ST3GAL4: variants seen among roughly 807,000 people sequenced by gnomAD.
ST3GAL4 encodes CMP-N-acetylneuraminate-beta-galactosamide-alpha-2,3-sialyltransferase 4.
ST3GAL4 carries 24 observed loss-of-function variants against 42.6 expected under a neutral mutation model. The ratio of observed to expected loss-of-function variants is 0.56; its 90% CI spans 0.41 to 0.79. ST3GAL4 has a LOEUF of 0.79. ST3GAL4 is among the 30% of genes least tolerant of loss of function. The pLI is 0.00. For missense variants in ST3GAL4, 311 were observed against 430.8 expected, an observed-to-expected ratio of 0.72 and a Z score of 2.46; for synonymous variants, 135 against 163.2, an observed-to-expected ratio of 0.83 and a Z score of 1.32.
rs1029200067 is a variant in ST3GAL4, at chr11:126,383,443, G to A, written c.-60-22653G>A. ...GGGAGGTAGAGCAGCAGCAGCAGCA[G>A]CTGAGCCCAGCCCCCGGCCAGCCCT... On this transcript the variant is annotated intron_variant, in intron 1 of 10. Transcript: ENST00000444328. This position sits in a 1 kb window ranked among gnomAD's most constrained non-coding sequence, Gnocchi z 4.5. Among the ~76,000 whole-genome samples the A allele has an allele frequency of 1.3e-5, 2 of 152,184 alleles. No individual in the cohort carries two copies. The highest frequency in any genetic ancestry group is 4.8e-5 in the African/African-American group (2 of 41,444).
At chr11:126,369,970 G>A (rs1043401339) in intron 1 of ST3GAL4, among the ~76,000 whole-genome samples, 6 of 152,202 alleles carry the variant, frequency 3.9e-5, no homozygotes, top group Admixed American at 6.5e-5. Context: ...GTTGACATCA[G>A]CATGCATCGA....
At chr11:126,395,972 C>T (rs774991408) in intron 1 of ST3GAL4, among the ~76,000 whole-genome samples, 26 of 151,002 alleles carry the variant, frequency 1.7e-4, no homozygotes, top group Non-Finnish European at 2.8e-4. Context: ...GGGCTCTCCC[C>T]GTGAGTGAGA....
chr11:126,410,738 C>A lies in ST3GAL4; in HGVS notation c.771+1327C>A, dbSNP rs1276279965. Among the ~76,000 whole-genome samples the A allele has an allele frequency of 6.6e-6, 1 of 152,196 alleles. No homozygotes were observed. The highest frequency in any genetic ancestry group is 1.5e-5 in the Non-Finnish European group (1 of 68,042). On this transcript the variant is annotated intron_variant, in intron 9 of 10. Coordinates refer to ENST00000444328, the MANE Select transcript of ST3GAL4 (RefSeq NM_001254757.2). This position sits in a 1 kb window ranked among gnomAD's most constrained non-coding sequence, Gnocchi z 5.3. ...CTTGCTTGGCGAGGAAGTTGTGCTCCTTGCTCTAAGGGACCTCAGTCTAGC... is the reference window on the plus strand; with the variant it reads ...CTTGCTTGGCGAGGAAGTTGTGCTCATTGCTCTAAGGGACCTCAGTCTAGC...
intron 1 of ST3GAL4, chr11:126,405,550 C>T (rs1954190760): frequency 6.2e-6 from 1 of 161,750 alleles, no homozygotes; most frequent in African/African-American, 2.4e-5. Flanking sequence ...ATGTCATAGC[C>T]CCACCCTCAC....
At position 126,359,777 on chromosome 11, in the gene ST3GAL4, C is replaced by A. The variant is rs1952185865; in HGVS notation, c.-61+3935C>A. The stretch of plus-strand genomic sequence containing the variant: ...CTTCCCTCCTTCCCCGTGGGCCCTC[C>A]CAGCCTCCCCAGCCCCCACCTCTGC... On this transcript the variant is annotated intron_variant, in intron 1 of 10. Transcript: ENST00000444328. The surrounding 1 kb of genome is among the most constrained non-coding windows in gnomAD (Gnocchi z 4.8). 6.8e-6 allele frequency among the ~76,000 whole-genome samples: 1 copy of A among 148,104 alleles called. No homozygotes were observed. Among genetic ancestry groups the A allele is most frequent in the African/African-American group, 2.7e-5 (1 of 37,702 alleles).
chr11:126,394,990 CAGTT>C (rs1953684192), intron 1 of ST3GAL4, among the ~76,000 whole-genome samples: 1 of 152,056 alleles, frequency 6.6e-6, no homozygotes, highest in Non-Finnish European at 1.5e-5. Context: ...GTTAGCTGGT[CAGTT>C]ACTCACTGTG....
chr11:126,368,946 C>A (rs894622675), intron 1 of ST3GAL4, among the ~76,000 whole-genome samples: 2 of 152,140 alleles, frequency 1.3e-5, no homozygotes, highest in African/African-American at 4.8e-5. Flanking sequence ...GTTGGAGAAG[C>A]CCTGCACCAG....
At position 126,413,545 on chromosome 11, in the gene ST3GAL4, A is replaced by G. The variant is rs1276396506; in HGVS notation, c.812A>G (p.His271Arg). 3 of 1,614,116 alleles carry G rather than the reference A, an allele frequency of 1.9e-6. No homozygotes were observed. Among genetic ancestry groups the G allele is most frequent in the Admixed American group, 3.3e-5 (2 of 60,020 alleles). The change falls in exon 10 of 11, where the codon CAC becomes CGC. Residue 271 changes from histidine to arginine, a missense_variant. Transcript: ENST00000444328. ...TGLLAITLAL[H>R]LCDLVHIAGF... is the part of the protein sequence containing the mutation. ...CTGTTGGCCATCACGCTGGCCCTCCACCTCTGTGACTTGGTGCACATTGCC... is the reference window on the plus strand; with the variant it reads ...CTGTTGGCCATCACGCTGGCCCTCCGCCTCTGTGACTTGGTGCACATTGCC...
chr11:126,407,836 C>T lies in ST3GAL4; in HGVS notation c.341+202C>T, dbSNP rs548644635. ...GAGGGTATTGCAACAGTGGGGCAGG[C>T]GTTTCTCATTGATACACCCCCCCAT... is the stretch of plus-strand genomic sequence containing the variant. On this transcript the variant is annotated intron_variant, in intron 6 of 10. Transcript: ENST00000444328. 2.4e-3 allele frequency among the ~76,000 whole-genome samples: 359 copies of T among 152,008 alleles called. 1 individual carries two copies. Among genetic ancestry groups the T allele is most frequent in the Non-Finnish European group, 3.7e-3 (252 of 67,962 alleles).
Position 126,392,465 on chromosome 11 carries a change from A to G in ST3GAL4, c.-60-13631A>G. The G allele has an allele frequency of 1.3e-6, 1 of 768,390 alleles. No individual in the cohort carries two copies. The highest frequency in any genetic ancestry group is 1.6e-6 in the Non-Finnish European group (1 of 631,534). 47.6% of individuals were successfully genotyped at this position (768,390 alleles called of 1,614,324 possible). A position where few individuals can be genotyped will look rare whatever the true frequency, so the allele number is the denominator to read the frequency against. On this transcript the variant is annotated intron_variant, in intron 1 of 10. Coordinates refer to ENST00000444328, the MANE Select transcript of ST3GAL4 (RefSeq NM_001254757.2). The surrounding 1 kb of genome is among the most constrained non-coding windows in gnomAD (Gnocchi z 5.8). ...GAGCTCATCGACATGCATTTGGCAG[A>G]AAGTGCGCTGGCTCTGCCAGCTCCC...
rs2135505629 is a variant in ST3GAL4, at chr11:126,396,921, G to C, written c.-60-9175G>C. On this transcript the variant is annotated intron_variant, in intron 1 of 10. Transcript: ENST00000444328. The surrounding 1 kb of genome is among the most constrained non-coding windows in gnomAD (Gnocchi z 5.8). ...AGCCCTTAGAAGTGTCTAGCACAGT[G>C]GTCCTCAGCATTTGGAAATGTCTGG... 6.6e-6 allele frequency among the ~76,000 whole-genome samples: 1 copy of C among 152,126 alleles called. No individual in the cohort carries two copies. Among genetic ancestry groups the C allele is most frequent in the South Asian group, 2.1e-4 (1 of 4,818 alleles).
chr11:126,389,501 CATAA>C (rs1307724153), intron 1 of ST3GAL4, among the ~76,000 whole-genome samples: 1 of 152,206 alleles, frequency 6.6e-6, no homozygotes, highest in East Asian at 1.9e-4. Flanking sequence ...TGTTTATACA[CATAA>C]ATAATGTTGT....
chr11:126,391,855 T>A lies in ST3GAL4; in HGVS notation c.-60-14241T>A, dbSNP rs1487265513. ...CCCTCCAGATACAGAGTTCTTGCTC[T>A]GTGTTTGGCCCATACCTAATGTTGT... On this transcript the variant is annotated intron_variant, in intron 1 of 10. Transcript: ENST00000444328. The surrounding 1 kb of genome is among the most constrained non-coding windows in gnomAD (Gnocchi z 5.5). Among the ~76,000 whole-genome samples the A allele has an allele frequency of 6.6e-6, 1 of 152,262 alleles. No homozygotes were observed. Among genetic ancestry groups the A allele is most frequent in the South Asian group, 2.1e-4 (1 of 4,818 alleles).
rs775048780 is a variant in ST3GAL4 at position 126,407,641 on chromosome 11, C to T, written c.341+7C>T. 1.8e-5 allele frequency: 29 copies of T among 1,613,772 alleles called. No homozygotes were observed. Among genetic ancestry groups the T allele is most frequent in the Non-Finnish European group, 2.2e-5 (26 of 1,179,974 alleles). On this transcript the variant is annotated splice_region_variant and intron_variant, in intron 6 of 10. Transcript: ENST00000444328. The stretch of plus-strand genomic sequence containing the variant: ...TCCCCAAGAACATCCAGAGGTAAGG[C>T]GGCACTCCGACTCCAGTCTGGGCAC...
intron 1 of ST3GAL4, among the ~76,000 whole-genome samples, chr11:126,357,531 C>T (rs1478799778): frequency 1.3e-5 from 2 of 152,296 alleles, no homozygotes; most frequent in African/African-American, 4.8e-5. Context: ...CTACGGGAAG[C>T]AGTGACTGGC....
chr11:126,363,951 G>C lies in ST3GAL4; in HGVS notation c.-61+8109G>C, dbSNP rs1193892314. Among the ~76,000 whole-genome samples the C allele has an allele frequency of 2.6e-5, 4 of 152,234 alleles. No homozygotes were observed. Among genetic ancestry groups the C allele is most frequent in the African/African-American group, 9.6e-5 (4 of 41,460 alleles). On this transcript the variant is annotated intron_variant, in intron 1 of 10. Transcript: ENST00000444328. The surrounding 1 kb of genome is among the most constrained non-coding windows in gnomAD (Gnocchi z 4.6). Reference sequence around the variant, plus strand: ...GGCTTTGTGACCCTCGCTTTGTACTGTGGCTTTGTTCTGCCTTAGGGACCA... The same window carrying C: ...GGCTTTGTGACCCTCGCTTTGTACTCTGGCTTTGTTCTGCCTTAGGGACCA...
chr11:126,407,995 G>GA (rs1263341139), intron 6 of ST3GAL4, 104 bp from the exon 7 acceptor site: 5 of 1,300,494 alleles, frequency 3.8e-6, no homozygotes, highest in Middle Eastern at 3.8e-4. Context: ...ACCAGGGGCT[G>GA]AGGGGGCCTA....
chr11:126,412,932 C>A (rs1031553867), intron 9 of ST3GAL4, among the ~76,000 whole-genome samples: 1 of 152,142 alleles, frequency 6.6e-6, no homozygotes, highest in African/African-American at 2.4e-5. Context: ...AAATACTAAA[C>A]ATAGTGTCTG....
In ST3GAL4 at chr11:126,408,178, T is replaced by C. The variant is rs1954346277; in HGVS notation, c.421T>C (p.Tyr141His). The C allele has an allele frequency of 6.2e-7, 1 of 1,614,146 alleles. No individual in the cohort carries two copies. The change falls in exon 7 of 11, where the codon TAC becomes CAC. Residue 141 changes from tyrosine (Y) to histidine (H), a missense_variant. Tyr to His is a moderately conservative substitution (Grantham distance 83). Coordinates refer to ENST00000444328, the MANE Select transcript of ST3GAL4 (RefSeq NM_001254757.2). The part of the protein sequence containing the change: ...NSSLGDAINK[Y>H]DVVIRLNNAP... ...CTCACTGGGAGATGCCATCAACAAG[T>C]ACGATGTGGTCATCAGGTGTGTGTG...
Sources: gnomAD v4.1 joint callset for allele counts (sites outside exome capture counted in the v4.1 genomes callset) on GRCh38, gnomAD v4.1.1 for gene constraint, Gnocchi (gnomAD v3.1) non-coding constraint, MANE v1.5 for transcripts, NCBI Gene and HGNC (gene_info 2026-07-23, HGNC 2026-07-21) for gene names.